Variants in GRIA1 observed in about 807,000 individuals in gnomAD.
GRIA1 encodes glutamate receptor 1.
In GRIA1, 31 loss-of-function variants were observed where a neutral mutation model predicts 99.2. The observed-to-expected ratio is 0.31, with a 90% CI of 0.23 to 0.42. The LOEUF (loss-of-function observed/expected upper bound fraction) is 0.42, where lower values mean the gene tolerates loss of function less well. Among genes scored for constraint, GRIA1 ranks in the 10% least tolerant of loss-of-function variants. GRIA1 has a pLI of 1.00. For synonymous variants in GRIA1, 438 were observed against 432.4 expected (o/e 1.01, Z -0.16); for missense variants, 782 against 1,157.5 (o/e 0.68, Z 4.71).
At chr5:153,772,303 A>T (rs1763933460) in intron 13 of GRIA1, among the ~76,000 whole-genome samples, 1 of 151,720 alleles carries the variant, frequency 6.6e-6, no homozygotes, top group African/African-American at 2.4e-5. Context: ...GAGTTAACTA[A>T]GTGAAGTGAG....
At chr5:153,537,006 A>C (rs946635413) in intron 2 of GRIA1, among the ~76,000 whole-genome samples, 2 of 152,204 alleles carry the variant, frequency 1.3e-5, no homozygotes, top group Non-Finnish European at 2.9e-5. Context: ...CCATAAAATG[A>C]AAATATTAAT....
At chr5:153,515,856 C>T (rs887384019) in intron 2 of GRIA1, among the ~76,000 whole-genome samples, 2 of 152,102 alleles carry the variant, frequency 1.3e-5, no homozygotes, top group African/African-American at 2.4e-5. Context: ...GTCCGGTGTT[C>T]AATAAGCATT....
intron 2 of GRIA1, among the ~76,000 whole-genome samples, chr5:153,588,220 G>A (rs1763661137): frequency 6.6e-6 from 1 of 152,046 alleles, no homozygotes; most frequent in Admixed American, 6.6e-5. Flanking sequence ...GATATTTGAG[G>A]GAATCAATTT....
intron 12 of GRIA1, among the ~76,000 whole-genome samples, chr5:153,768,427 A>C (rs1763659868): frequency 1.3e-5 from 2 of 152,320 alleles, no homozygotes; most frequent in Non-Finnish European, 2.9e-5. Flanking sequence ...ATGAGTGAGA[A>C]GTAGAACTAA....
chr5:153,610,150 T>C (rs1000653874), intron 2 of GRIA1, among the ~76,000 whole-genome samples: 1 of 152,166 alleles, frequency 6.6e-6, no homozygotes. Flanking sequence ...AGTTGTGATG[T>C]GAGACCAGGA....
intron 14 of GRIA1, among the ~76,000 whole-genome samples, chr5:153,797,818 C>A (rs1480588200): frequency 6.6e-6 from 1 of 152,186 alleles, no homozygotes; most frequent in Admixed American, 6.5e-5. Context: ...GAACAATGGG[C>A]CAGTTCTCAT....
At chr5:153,553,038 T>C (rs1335785730) in intron 2 of GRIA1, among the ~76,000 whole-genome samples, 1 of 152,234 alleles carries the variant, frequency 6.6e-6, no homozygotes, top group Admixed American at 6.5e-5. Context: ...GTGCCAGGAT[T>C]ACAGGCATGA....
intron 2 of GRIA1, among the ~76,000 whole-genome samples, chr5:153,638,012 A>G (rs1753506641): frequency 1.3e-5 from 2 of 152,254 alleles, no homozygotes; most frequent in Non-Finnish European, 2.9e-5. Context: ...ACTTGATAAT[A>G]TAAAATAAAA....
At chr5:153,661,148 G>A (rs566973151) in intron 5 of GRIA1, among the ~76,000 whole-genome samples, 2 of 152,282 alleles carry the variant, frequency 1.3e-5, no homozygotes, top group South Asian at 4.2e-4. Flanking sequence ...AGCTCCTTCT[G>A]CAAAGCTGAG....
At chr5:153,804,942 G>A (rs1766327908) in intron 15 of GRIA1, among the ~76,000 whole-genome samples, 1 of 151,858 alleles carries the variant, frequency 6.6e-6, no homozygotes, top group Admixed American at 6.6e-5. Flanking sequence ...AGCACAGATG[G>A]GGTTTCACCA....
rs199702224 is a variant in GRIA1 at position 153,577,130 on chromosome 5, GTGGATGGATGGATGGATGGATGGTTGGA to G, written c.221-69774_221-69747del. 1.7e-3 allele frequency among the ~76,000 whole-genome samples: 169 copies of G among 98,686 alleles called. 3 individuals carry two copies. Among genetic ancestry groups the G allele is most frequent in the South Asian group, 6.4e-3 (12 of 1,886 alleles). 64.7% of individuals were successfully genotyped at this position (98,686 alleles called of 152,430 possible). ...GATGGATAAGTGGGTAGATGAATGG[GTGGATGGATGGATGGATGGATGGTTGGA>G]TGGATGGATGGATGGATGGATGGAT... On this transcript the variant is annotated intron_variant, in intron 2 of 15. Transcript: ENST00000285900.
intron 2 of GRIA1, among the ~76,000 whole-genome samples, chr5:153,515,818 C>G (rs1385525160): frequency 6.6e-6 from 1 of 152,124 alleles, no homozygotes; most frequent in Non-Finnish European, 1.5e-5. Flanking sequence ...GGGTAGATGT[C>G]TTTTTTAACC....
chr5:153,511,921 A>C (rs141461424), intron 2 of GRIA1, among the ~76,000 whole-genome samples: 1 of 152,350 alleles, frequency 6.6e-6, no homozygotes, highest in Admixed American at 6.5e-5. Context: ...CTGCGAAGCC[A>C]GTTCTAGGTA....
intron 8 of GRIA1, among the ~76,000 whole-genome samples, chr5:153,695,827 G>C (rs1049844240): frequency 1.3e-5 from 2 of 152,182 alleles, no homozygotes; most frequent in African/African-American, 2.4e-5. Context: ...CCTCCGAGCT[G>C]TCTCAGCATC....
intron 4 of GRIA1, among the ~76,000 whole-genome samples, chr5:153,654,746 T>C (rs562702331): frequency 6.6e-6 from 1 of 152,314 alleles, no homozygotes; most frequent in East Asian, 1.9e-4. Context: ...CAAGTGCTTA[T>C]CATCTGTTAT....
intron 2 of GRIA1, among the ~76,000 whole-genome samples, chr5:153,563,315 C>T (rs1761320980): frequency 6.6e-6 from 1 of 152,138 alleles, no homozygotes; most frequent in African/African-American, 2.4e-5. Flanking sequence ...CCCACGAGCC[C>T]CACGTTCTGA....
chr5:153,550,621 T>C (rs1156591183), intron 2 of GRIA1, among the ~76,000 whole-genome samples: 1 of 152,146 alleles, frequency 6.6e-6, no homozygotes, highest in East Asian at 1.9e-4. Context: ...TCCTTCAATA[T>C]CAAGGTAGAA....
At chr5:153,722,288 G>A (rs1396702758) in intron 11 of GRIA1, among the ~76,000 whole-genome samples, 1 of 150,146 alleles carries the variant, frequency 6.7e-6, no homozygotes, top group Non-Finnish European at 1.5e-5. Flanking sequence ...TGTCTTGGCA[G>A]TGTGTCATGT....
chr5:153,526,259 A>G lies in GRIA1; in HGVS notation c.220+32194A>G, dbSNP rs144110954. Among the ~76,000 whole-genome samples the G allele has an allele frequency of 2.6e-4, 39 of 152,328 alleles. No homozygotes were observed. The East Asian group carries it at 5.4e-3, about 21-fold the overall frequency. On this transcript the variant is annotated intron_variant, in intron 2 of 15. Coordinates refer to ENST00000285900, the MANE Select transcript of GRIA1 (RefSeq NM_000827.4). ...CTTGGGATTGGGAAAACTTCTACACAATCCCAGTCTATGAATTAACACTTA... is the reference window on the plus strand; with the variant it reads ...CTTGGGATTGGGAAAACTTCTACACGATCCCAGTCTATGAATTAACACTTA...
Sources: allele counts gnomAD v4.1 joint callset (sites outside exome capture counted in the v4.1 genomes callset), GRCh38; gene constraint gnomAD v4.1.1; transcripts MANE v1.5; gene names NCBI Gene and HGNC (gene_info 2026-07-23, HGNC 2026-07-21).